The following RBM19 variants were observed in gnomAD, a reference collection of about 807,000 sequenced individuals.
RBM19 encodes the protein probable RNA-binding protein 19.
In RBM19, 94 loss-of-function variants were observed where a neutral mutation model predicts 116.8. The observed-to-expected ratio is 0.80, with a 90% confidence interval of 0.68 to 0.95. The LOEUF is 0.95. Ranked by LOEUF, RBM19 falls within the 40% of genes least tolerant of loss-of-function variation. The pLI, the probability that RBM19 is intolerant of heterozygous loss-of-function variation, is 0.00. For synonymous variants in RBM19, 475 were observed against 494.1 expected (o/e 0.96, Z 0.51); for missense variants, 1,161 against 1,220.7 (o/e 0.95, Z 0.73).
At chr12:113,912,607 G>A (rs919760816) in intron 21 of RBM19, among the ~76,000 whole-genome samples, 11 of 152,262 alleles carry the variant, frequency 7.2e-5, no homozygotes, top group African/African-American at 2.6e-4. Context: ...TCCATCCCTC[G>A]CAGGGCTGCT....
rs754170506 is a variant in RBM19, at chr12:113,955,129, A to G, written c.921+2T>C. On this transcript the variant is annotated splice_donor_variant, in intron 7 of 23. Coordinates refer to ENST00000261741, the MANE Select transcript of RBM19 (RefSeq NM_016196.4). LOFTEE classifies it high-confidence loss of function. ...CGACCCTTGTCCTCAGTTAGCACAT[A>G]CCTCTGTGACATTGAACGGGGCTCC... The G allele has an allele frequency of 4.3e-6, 7 of 1,613,552 alleles. No individual in the cohort carries two copies. Among genetic ancestry groups the G allele is most frequent in the Non-Finnish European group, 5.9e-6 (7 of 1,179,900 alleles).
intron 22 of RBM19, among the ~76,000 whole-genome samples, chr12:113,847,023 G>A (rs1057069509): frequency 6.6e-6 from 1 of 152,190 alleles, no homozygotes; most frequent in Non-Finnish European, 1.5e-5. Context: ...CATTTCTGTG[G>A]TTTGAAGCCA....
At chr12:113,931,734 C>T (rs1458043980) in intron 16 of RBM19, among the ~76,000 whole-genome samples, 1 of 152,244 alleles carries the variant, frequency 6.6e-6, no homozygotes, top group Admixed American at 6.5e-5. Context: ...TCTGCCTGTT[C>T]TGCTGGTCTG....
chr12:113,873,843 C>A (rs530557862), intron 21 of RBM19, among the ~76,000 whole-genome samples: 1 of 152,172 alleles, frequency 6.6e-6, no homozygotes, highest in African/African-American at 2.4e-5. Context: ...AGAAATGAGA[C>A]GCATGGTGCG....
Position 113,939,995 on chromosome 12 carries a change from C to T in RBM19, c.1903G>A (p.Ala635Thr). 6.2e-7 allele frequency: 1 copy of T among 1,614,126 alleles called. No homozygotes were observed. The highest frequency in any genetic ancestry group is 8.5e-7 in the Non-Finnish European group (1 of 1,180,020). ...GCCAGATGCCTGAAGGCCTTGCGGG[C>T]CTCCAGGGGCTCCAGGAACTCCACG... is the stretch of plus-strand genomic sequence containing the variant. The part of the protein sequence containing the change: ...AIVEFLEPLE[A>T]RKAFRHLAYS... Residue 635 changes from alanine (A) to threonine (T), a missense_variant, in exon 15 of 24, where the codon GCC becomes ACC. By Grantham distance (58) the Ala-to-Thr change is moderately conservative. Transcript: ENST00000261741.
At chr12:113,925,767 A>G (rs1476452924) in intron 17 of RBM19, among the ~76,000 whole-genome samples, 1 of 152,222 alleles carries the variant, frequency 6.6e-6, no homozygotes, top group Non-Finnish European at 1.5e-5. Context: ...TTGAATTCAG[A>G]GGATGCTCTT....
chr12:113,917,351 AGTCACCCATGCAAG>A (rs2135857771), intron 20 of RBM19, among the ~76,000 whole-genome samples: 1 of 152,326 alleles, frequency 6.6e-6, no homozygotes, highest in Admixed American at 6.5e-5. Flanking sequence ...TCAGAGGCAA[AGTCACCCATGCAAG>A]GTCACAGAGC....
At chr12:113,927,558 A>C (rs1869201115) in intron 16 of RBM19, 1 of 242,424 alleles carries the variant, frequency 4.1e-6, no homozygotes, top group Non-Finnish European at 7.9e-6. Context: ...CTGAACCGTG[A>C]GCCTAAGCAA....
chr12:113,876,885 C>T (rs75118321), intron 21 of RBM19, among the ~76,000 whole-genome samples: 10,057 of 152,284 alleles, frequency 0.066, 649 homozygotes, highest in East Asian at 0.34. Context: ...TTTGGGATTA[C>T]ATGTGGGGCA....
In RBM19 at chr12:113,940,167, A is replaced by G; in HGVS notation, c.1738-7T>C. On this transcript the variant is annotated splice_polypyrimidine_tract_variant and splice_region_variant and intron_variant, in intron 14 of 23. Transcript: ENST00000261741. ...TGCTTCGCTCTGCTGCAGCCTGCAA[A>G]GAGGAAATGCACACACATGGGACCA... 1 of 1,611,318 alleles carries G rather than the reference A, an allele frequency of 6.2e-7. No homozygotes were observed. Among genetic ancestry groups the G allele is most frequent in the African/African-American group, 1.3e-5 (1 of 75,018 alleles).
intron 21 of RBM19, among the ~76,000 whole-genome samples, chr12:113,866,060 G>A (rs994932459): frequency 4.6e-5 from 7 of 152,198 alleles, no homozygotes; most frequent in Non-Finnish European, 8.8e-5. Context: ...ACAAAGTGCA[G>A]GGTCAAGCCT....
At chr12:113,908,289 CG>C (rs1386226527) in intron 21 of RBM19, among the ~76,000 whole-genome samples, 1 of 152,100 alleles carries the variant, frequency 6.6e-6, no homozygotes, top group African/African-American at 2.4e-5. Context: ...AGGAGTCAAT[CG>C]GGCAGTGACC....
At chr12:113,944,858 T>C (rs1268928251) in intron 13 of RBM19, among the ~76,000 whole-genome samples, 1 of 109,828 alleles carries the variant, frequency 9.1e-6, no homozygotes, top group Non-Finnish European at 1.9e-5. Flanking sequence ...TATATGTATA[T>C]ATAAAAATGT....
At chr12:113,867,147 C>T (rs1332331210) in intron 21 of RBM19, among the ~76,000 whole-genome samples, 1 of 152,250 alleles carries the variant, frequency 6.6e-6, no homozygotes, top group Non-Finnish European at 1.5e-5. Flanking sequence ...ATCATGTAGC[C>T]TCTGCAGGAT....
chr12:113,935,446 T>A (rs907211640), intron 16 of RBM19, among the ~76,000 whole-genome samples: 2 of 152,182 alleles, frequency 1.3e-5, no homozygotes, highest in East Asian at 3.8e-4. Context: ...GCACAGGTTT[T>A]GAAGGAGACC....
intron 23 of RBM19, among the ~76,000 whole-genome samples, chr12:113,843,899 A>C (rs1017651618): frequency 1.3e-5 from 2 of 151,982 alleles, no homozygotes; most frequent in African/African-American, 4.8e-5. Context: ...ACACATACCG[A>C]GCTTGCTCCA....
At chr12:113,919,858 C>T (rs546123122) in intron 19 of RBM19, among the ~76,000 whole-genome samples, 3 of 152,156 alleles carry the variant, frequency 2.0e-5, no homozygotes, top group South Asian at 2.1e-4. Context: ...CCCCAGCCAT[C>T]GTCCCCTCTC....
intron 21 of RBM19, among the ~76,000 whole-genome samples, chr12:113,912,268 C>CCACT (rs1195901208): frequency 6.6e-6 from 1 of 152,248 alleles, no homozygotes; most frequent in African/African-American, 2.4e-5. Flanking sequence ...CACACCTGTC[C>CCACT]CACTGGCTGT....
chr12:113,865,025 C>T (rs1878698877), intron 21 of RBM19, among the ~76,000 whole-genome samples: 1 of 152,232 alleles, frequency 6.6e-6, no homozygotes, highest in South Asian at 2.1e-4. Flanking sequence ...GTCATCATCT[C>T]TTCCAAATTG....
Sources: allele counts gnomAD v4.1 joint callset (sites outside exome capture counted in the v4.1 genomes callset), GRCh38; gene constraint gnomAD v4.1.1; transcripts MANE v1.5; gene names NCBI Gene and HGNC (gene_info 2026-07-23, HGNC 2026-07-21).